Variants in DIABLO observed in about 807,000 individuals in gnomAD.
DIABLO encodes the protein diablo homolog, mitochondrial.
A neutral mutation model predicts 31.7 loss-of-function variants in DIABLO; 32 were observed. The observed-to-expected ratio is 1.01, with a 90% CI of 0.76 to 1.35. DIABLO has a LOEUF of 1.35. Ranked by LOEUF, DIABLO falls within the 40% of genes most tolerant of loss-of-function variation. DIABLO has a pLI of 0.00. For missense variants in DIABLO, 316 were observed against 286.4 expected, an observed-to-expected ratio of 1.10 and a Z score of -0.75; for synonymous variants, 132 against 103.2, an observed-to-expected ratio of 1.28 and a Z score of -1.69.
intron 2 of DIABLO, among the ~76,000 whole-genome samples, chr12:122,222,919 C>T (rs140228677): frequency 1.3e-5 from 2 of 152,102 alleles, no homozygotes; most frequent in African/African-American, 4.8e-5. Flanking sequence ...CCAGTACCAG[C>T]CCAGGGGTTG....
At chr12:122,216,010 G>C (rs370772843) in intron 5 of DIABLO, among the ~76,000 whole-genome samples, 1 of 150,916 alleles carries the variant, frequency 6.6e-6, no homozygotes, top group Non-Finnish European at 1.5e-5. Context: ...CATATAAAAA[G>C]TGCCTACGAA....
At chr12:122,220,447 G>A (rs890609259) in intron 2 of DIABLO, 3 of 151,856 alleles carry the variant, frequency 2.0e-5, no homozygotes, top group Non-Finnish European at 4.4e-5. Flanking sequence ...CTGAGATCAG[G>A]AGTTTGAGAC....
chr12:122,216,281 G>C (rs1954209608), intron 5 of DIABLO, among the ~76,000 whole-genome samples: 1 of 152,084 alleles, frequency 6.6e-6, no homozygotes, highest in South Asian at 2.1e-4. Flanking sequence ...GCTTCTACTG[G>C]TCTGGTCTGC....
intron 2 of DIABLO, chr12:122,221,140 C>T (rs577853742): frequency 2.0e-5 from 3 of 152,226 alleles, no homozygotes; most frequent in Admixed American, 2.0e-4. Context: ...CATCAAATAT[C>T]AAAATATACA....
Position 122,208,295 on chromosome 12 carries a change from CAG to C in DIABLO, c.*84_*85del, listed in dbSNP as rs1377236011. On this transcript the variant is annotated 3_prime_UTR_variant, in exon 6 of 6. Coordinates refer to ENST00000464942, the MANE Select transcript of DIABLO (RefSeq NM_001371333.1). Reference sequence around the variant, plus strand: ...GGATCTGCCGCCTCTTCTCGGTGCACAGACAGTCATGCCAACCCTGGGCAGGG... The same window carrying C: ...GGATCTGCCGCCTCTTCTCGGTGCACACAGTCATGCCAACCCTGGGCAGGG... The C allele has an allele frequency of 6.6e-7, 1 of 1,520,096 alleles. No homozygotes were observed. The highest frequency in any genetic ancestry group is 1.4e-5 in the African/African-American group (1 of 72,830). 94.2% of individuals were successfully genotyped at this position (1,520,096 alleles called of 1,614,324 possible).
chr12:122,219,824 C>T (rs1954295615), intron 2 of DIABLO, among the ~76,000 whole-genome samples: 1 of 150,106 alleles, frequency 6.7e-6, no homozygotes, highest in African/African-American at 2.5e-5. Flanking sequence ...AAGATCGTGC[C>T]ACTTCACTCC....
At chr12:122,225,883 G>A (rs551648994) in intron 1 of DIABLO, 82 bp downstream of exon 1, 18 of 1,543,842 alleles carry the variant, frequency 1.2e-5, no homozygotes, top group Admixed American at 5.9e-5. Context: ...TAAGGAAGGC[G>A]GGCGCCGTGG....
chr12:122,218,135 G>A (rs1954255203), intron 3 of DIABLO, 131 bp downstream of exon 3: 1 of 1,131,268 alleles, frequency 8.8e-7, no homozygotes, highest in African/African-American at 1.5e-5. Context: ...AACCGTTATT[G>A]ACAACACATA....
At chr12:122,208,639 C>A in intron 5 of DIABLO, 62 bp from the exon 6 acceptor site, 1 of 1,560,526 alleles carries the variant, frequency 6.4e-7, no homozygotes, top group South Asian at 1.1e-5. Context: ...CTCATGTGGA[C>A]GTTGGCCTGG....
At chr12:122,208,845 T>C in intron 5 of DIABLO, 3 of 565,948 alleles carry the variant, frequency 5.3e-6, no homozygotes, top group Middle Eastern at 2.7e-4. Flanking sequence ...ATCATCTTTA[T>C]AGCTACAGAG....
chr12:122,209,920 T>C, intron 5 of DIABLO: 1 of 649,134 alleles, frequency 1.5e-6, no homozygotes, highest in African/African-American at 1.8e-5. Context: ...AAATTATCTC[T>C]TCATAATTGT....
In DIABLO at chr12:122,216,589, A is replaced by G; in HGVS notation, c.427-5T>C. On this transcript the variant is annotated splice_polypyrimidine_tract_variant and splice_region_variant and intron_variant, in intron 4 of 5. Transcript: ENST00000464942. ...CTCTTGGTGTTTTGAAGTCATCTAT[A>G]TAAATCAAGCAAAGTGCTTCAGACA... The G allele has an allele frequency of 2.5e-6, 4 of 1,614,100 alleles. No homozygotes were observed. Among genetic ancestry groups the G allele is most frequent in the Non-Finnish European group, 2.5e-6 (3 of 1,179,898 alleles).
chr12:122,208,197 GGTCCA>G lies in DIABLO; in HGVS notation c.*179_*183del. Reference sequence around the variant, plus strand: ...TGCAGTGCCCAAGGGCTAAGAACCAGGTCCAGCGCAAGCCTGAGACCACAGGAGGC... The same window carrying G: ...TGCAGTGCCCAAGGGCTAAGAACCAGGCGCAAGCCTGAGACCACAGGAGGC... On this transcript the variant is annotated 3_prime_UTR_variant, in exon 6 of 6. Coordinates refer to ENST00000464942, the MANE Select transcript of DIABLO (RefSeq NM_001371333.1). 1 of 739,712 alleles carries G rather than the reference GGTCCA, an allele frequency of 1.4e-6. No individual in the cohort carries two copies. Among genetic ancestry groups the G allele is most frequent in the South Asian group, 1.5e-5 (1 of 67,620 alleles). The allele number at this position is 739,712 out of a possible 1,614,324, so 45.8% of individuals were successfully genotyped here. A position where few individuals can be genotyped will look rare whatever the true frequency, so the allele number is the denominator to read the frequency against.
intron 2 of DIABLO, 93 bp downstream of exon 2, chr12:122,224,419 A>G: frequency 6.2e-7 from 1 of 1,604,522 alleles, no homozygotes; most frequent in African/African-American, 1.3e-5. Context: ...AGCACTGGGA[A>G]AAACTATGGT....
intron 1 of DIABLO, 136 bp downstream of exon 1, chr12:122,225,826 CGGA>C: frequency 6.6e-7 from 1 of 1,507,834 alleles, no homozygotes; most frequent in South Asian, 1.2e-5. Context: ...TCCTCCCGAC[CGGA>C]GCGAGACGCC....
chr12:122,211,554 A>G (rs11061368), intron 5 of DIABLO, among the ~76,000 whole-genome samples: 11,674 of 152,088 alleles, frequency 0.077, 547 homozygotes, highest in Middle Eastern at 0.13. Flanking sequence ...TAAAAAAAAA[A>G]AAGAAAATTA....
chr12:122,212,540 G>GTAATC lies in DIABLO; in HGVS notation c.523+3943_523+3947dup, dbSNP rs568795508. On this transcript the variant is annotated intron_variant, in intron 5 of 5. Coordinates refer to ENST00000464942, the MANE Select transcript of DIABLO (RefSeq NM_001371333.1). ...ATGTTTGATTCTACTTCCTTTGTAG[G>GTAATC]TAATCTATTTTTTCTTAGTAGCTTT... Among the ~76,000 whole-genome samples the GTAATC allele has an allele frequency of 8.1e-4, 123 of 152,110 alleles. 1 individual carries two copies. The highest frequency in any genetic ancestry group is 3.4e-3 in the Middle Eastern group (1 of 292).
At chr12:122,214,839 T>A (rs1049536673) in intron 5 of DIABLO, among the ~76,000 whole-genome samples, 10 of 152,174 alleles carry the variant, frequency 6.6e-5, no homozygotes, top group African/African-American at 2.4e-4. Context: ...CACAGGCGTG[T>A]GCCACTACAC....
At chr12:122,226,658 A>C (rs1195080426), upstream of DIABLO, 1 of 632,342 alleles carries the variant, frequency 1.6e-6, no homozygotes, top group Non-Finnish European at 2.8e-6. Context: ...CTGGCCCTCG[A>C]AACAGCAAAC....
Sources: gnomAD v4.1 joint callset for allele counts (sites outside exome capture counted in the v4.1 genomes callset) on GRCh38, gnomAD v4.1.1 for gene constraint, MANE v1.5 for transcripts, NCBI Gene and HGNC (gene_info 2026-07-23, HGNC 2026-07-21) for gene names.